CFAP221: variants seen among roughly 807,000 people sequenced by gnomAD.
The protein encoded by CFAP221 is cilia- and flagella-associated protein 221.
In CFAP221, 97 loss-of-function variants were observed where a neutral mutation model predicts 113.1. The ratio of observed to expected loss-of-function variants is 0.86; its 90% CI spans 0.73 to 1.02. The LOEUF (loss-of-function observed/expected upper bound fraction) is 1.02, where lower values mean the gene tolerates loss of function less well. Among genes scored for constraint, CFAP221 ranks in the 50% least tolerant of loss-of-function variants. The pLI is 0.00. For synonymous variants in CFAP221, 331 were observed against 354.4 expected (o/e 0.93, Z 0.74); for missense variants, 1,025 against 1,013.4 (o/e 1.01, Z -0.16).
At chr2:119,623,205 A>G (rs1686061265) in intron 14 of CFAP221, among the ~76,000 whole-genome samples, 1 of 152,244 alleles carries the variant, frequency 6.6e-6, no homozygotes, top group Non-Finnish European at 1.5e-5. Context: ...AATCACAAGC[A>G]TTCCTATACA....
intron 14 of CFAP221, 95 bp downstream of exon 14, chr2:119,615,804 C>A: frequency 3.6e-6 from 3 of 844,950 alleles, no homozygotes; most frequent in South Asian, 1.9e-5. Flanking sequence ...TATTGAGATA[C>A]AATTTACACA....
chr2:119,556,489 A>G (rs908901076), intron 3 of CFAP221, among the ~76,000 whole-genome samples: 1 of 151,766 alleles, frequency 6.6e-6, no homozygotes, highest in Non-Finnish European at 1.5e-5. Flanking sequence ...ATTATCACAA[A>G]TTGGATCTAT....
intron 3 of CFAP221, among the ~76,000 whole-genome samples, chr2:119,551,565 G>A (rs1680436335): frequency 1.3e-5 from 2 of 152,092 alleles, no homozygotes. Context: ...TCAATTTACT[G>A]TAAATGTAAG....
intron 6 of CFAP221, among the ~76,000 whole-genome samples, chr2:119,569,518 C>A (rs1332634314): frequency 6.6e-6 from 1 of 151,864 alleles, no homozygotes; most frequent in Non-Finnish European, 1.5e-5. Context: ...TGCATTTATC[C>A]TCAGTGGTTT....
At chr2:119,595,859 A>T (rs1683929360) in intron 7 of CFAP221, among the ~76,000 whole-genome samples, 1 of 152,056 alleles carries the variant, frequency 6.6e-6, no homozygotes, top group Non-Finnish European at 1.5e-5. Flanking sequence ...AGTTAACAAA[A>T]AGGCACCAGA....
chr2:119,583,392 T>C (rs1255942359), intron 6 of CFAP221, among the ~76,000 whole-genome samples: 1 of 74,228 alleles, frequency 1.3e-5, no homozygotes, highest in Non-Finnish European at 2.5e-5. Flanking sequence ...TAGGAAATAG[T>C]CTCTTTTTTT....
rs77174886 is a variant in CFAP221, at chr2:119,561,407, C to T, written c.427-607C>T. Among the ~76,000 whole-genome samples the T allele has an allele frequency of 3.7e-3, 567 of 152,280 alleles. 7 individuals are homozygous for T. The highest frequency in any genetic ancestry group is 0.013 in the African/African-American group (545 of 41,552). ...TTGTATAAAATGCCAGGACACATTT[C>T]CTGTTACTACCAAATAATGCTAATA... On this transcript the variant is annotated intron_variant, in intron 5 of 23. Coordinates refer to ENST00000413369, the MANE Select transcript of CFAP221 (RefSeq NM_001271049.2).
intron 6 of CFAP221, among the ~76,000 whole-genome samples, chr2:119,582,542 G>A (rs957440108): frequency 6.7e-5 from 10 of 149,590 alleles, no homozygotes; most frequent in Non-Finnish European, 1.2e-4. Context: ...TAGAACCTCC[G>A]CGTTCCAGGC....
chr2:119,572,812 T>C (rs1682163584), intron 6 of CFAP221: 8 of 501,360 alleles, frequency 1.6e-5, no homozygotes, highest in Non-Finnish European at 2.9e-5. Flanking sequence ...AAGTGGACCA[T>C]GTACTCATCT....
At chr2:119,603,027 A>G (rs1684473379) in intron 8 of CFAP221, among the ~76,000 whole-genome samples, 1 of 152,240 alleles carries the variant, frequency 6.6e-6, no homozygotes, top group African/African-American at 2.4e-5. Flanking sequence ...AAAACTGCAA[A>G]TAATATTATA....
intron 7 of CFAP221, among the ~76,000 whole-genome samples, chr2:119,599,229 A>G (rs969404632): frequency 6.6e-6 from 1 of 152,162 alleles, no homozygotes; most frequent in East Asian, 1.9e-4. Context: ...TATAAAAGGT[A>G]TGGGGCTGGT....
At chr2:119,618,181 CT>C (rs1685653402) in intron 14 of CFAP221, among the ~76,000 whole-genome samples, 1 of 152,326 alleles carries the variant, frequency 6.6e-6, no homozygotes, top group East Asian at 1.9e-4. Context: ...ATATCAGCTC[CT>C]TGTGGGCAGG....
At chr2:119,580,239 A>AAGAC (rs1336998752) in intron 6 of CFAP221, 1 of 152,190 alleles carries the variant, frequency 6.6e-6, no homozygotes, top group Non-Finnish European at 1.5e-5. Context: ...AGCCTGATTT[A>AAGAC]AGACAGGATT....
chr2:119,631,130 C>A, intron 19 of CFAP221: 1 of 1,139,632 alleles, frequency 8.8e-7, no homozygotes. Flanking sequence ...ATGATCTTTT[C>A]TAAATATCTA....
At chr2:119,558,396 G>A (rs915053658) in intron 3 of CFAP221, among the ~76,000 whole-genome samples, 1 of 152,226 alleles carries the variant, frequency 6.6e-6, no homozygotes, top group African/African-American at 2.4e-5. Flanking sequence ...TGGAGGCCAA[G>A]AGAAGCCTGG....
intron 6 of CFAP221, among the ~76,000 whole-genome samples, chr2:119,575,952 G>T (rs553112514): frequency 6.6e-6 from 1 of 151,982 alleles, no homozygotes; most frequent in Non-Finnish European, 1.5e-5. Context: ...TTGTTCCCTA[G>T]TGTCTTCAGA....
rs113087653 is a variant in CFAP221, at chr2:119,615,627, A to G, written c.1328A>G (p.His443Arg). 4 of 1,608,226 alleles carry G rather than the reference A, an allele frequency of 2.5e-6. No homozygotes were observed. In the African/African-American group the frequency reaches 4.0e-5, roughly 16 times the overall value. ...RNQEEKIKEF[H>R]PTFDPLINNT... ...TATTCACAGAAAATCAAGGAATTTC[A>G]TCCTACTTTTGATCCACTCATTAAT... Residue 443 changes from histidine to arginine, a missense_variant, in exon 14 of 24, where the codon CAT becomes CGT. Transcript: ENST00000413369.
chr2:119,634,134 A>C (rs1257379813), intron 19 of CFAP221, among the ~76,000 whole-genome samples: 2 of 152,132 alleles, frequency 1.3e-5, no homozygotes, highest in African/African-American at 4.8e-5. Flanking sequence ...AACAGTAATA[A>C]TAATAATGTG....
At chr2:119,621,471 T>G (rs1685917012) in intron 14 of CFAP221, among the ~76,000 whole-genome samples, 1 of 152,078 alleles carries the variant, frequency 6.6e-6, no homozygotes, top group Non-Finnish European at 1.5e-5. Flanking sequence ...CTTTCAATAT[T>G]AGAAAGATCA....
Sources: gnomAD v4.1 joint callset for allele counts (sites outside exome capture counted in the v4.1 genomes callset) on GRCh38, gnomAD v4.1.1 for gene constraint, MANE v1.5 for transcripts, NCBI Gene and HGNC (gene_info 2026-07-23, HGNC 2026-07-21) for gene names.